Variants in PAK5 observed in about 807,000 individuals in gnomAD.
The protein encoded by PAK5 is p21 (RAC1) activated kinase 5.
In PAK5, 16 loss-of-function variants were observed where a neutral mutation model predicts 65.9. The ratio of observed to expected loss-of-function variants is 0.24; its 90% CI spans 0.16 to 0.37. The LOEUF is 0.37. Among genes scored for constraint, PAK5 ranks in the 10% least tolerant of loss-of-function variants. The pLI, the probability that PAK5 is intolerant of heterozygous loss-of-function variation, is 1.00. For synonymous variants in PAK5, 371 were observed against 354.9 expected (o/e 1.05, Z -0.51); for missense variants, 785 against 903.9 (o/e 0.87, Z 1.69).
At position 9,763,546 on chromosome 20, in the gene PAK5, AAC is replaced by A. The variant is rs200921339; in HGVS notation, c.-161-52113_-161-52112del. ...TTAAATGAAAAACAAAACAAAAAAA[AAC>A]AATCTTGAAGCCCAACTCTCATCTG... On this transcript the variant is annotated intron_variant, in intron 1 of 9. Transcript: ENST00000353224. 3.7e-3 allele frequency among the ~76,000 whole-genome samples: 557 copies of A among 152,252 alleles called. 3 individuals carry two copies. The highest frequency in any genetic ancestry group is 0.013 in the African/African-American group (522 of 41,528).
At chr20:9,765,586 C>T (rs1229006878) in intron 1 of PAK5, among the ~76,000 whole-genome samples, 1 of 152,126 alleles carries the variant, frequency 6.6e-6, no homozygotes, top group Non-Finnish European at 1.5e-5. Flanking sequence ...TAGCTTAAAA[C>T]TGGCCATGAT....
At position 9,838,291 on chromosome 20, in the gene PAK5, A is replaced by C. The variant is rs1979319225; in HGVS notation, c.-162+471T>G. Among the ~76,000 whole-genome samples the C allele has an allele frequency of 6.6e-6, 1 of 152,168 alleles. No homozygotes were observed. On this transcript the variant is annotated intron_variant, in intron 1 of 9. Transcript: ENST00000353224. The surrounding 1 kb of genome is among the most constrained non-coding windows in gnomAD (Gnocchi z 4.5). ...CATCCTCCAGTCCACACCTGCCAAA[A>C]GACAAAAACCATGCGGGAATCCTGC...
rs142279832 is a variant in PAK5, at chr20:9,802,910, G to GTGTATATATATATATATATATATA, written c.-162+35851_-162+35852insTATATATATATATATATATATACA. Among the ~76,000 whole-genome samples, 139 of 46,362 alleles carry GTGTATATATATATATATATATATA rather than the reference G, an allele frequency of 3.0e-3. 3 individuals are homozygous for GTGTATATATATATATATATATATA. The highest frequency in any genetic ancestry group is 5.6e-3 in the South Asian group (4 of 712). 30.4% of individuals were successfully genotyped at this position (46,362 alleles called of 152,430 possible). ...CTTCTGTACTATTGTATATGTATGT[G>GTGTATATATATATATATATATATA]TATATATATATATATATATATATGA... On this transcript the variant is annotated intron_variant, in intron 1 of 9. Transcript: ENST00000353224.
intron 1 of PAK5, among the ~76,000 whole-genome samples, chr20:9,792,668 A>C (rs902944776): frequency 3.3e-5 from 5 of 152,172 alleles, no homozygotes; most frequent in African/African-American, 1.2e-4. Flanking sequence ...CTCAAAGAAA[A>C]ATATTTGAAT....
At chr20:9,738,523 G>A (rs2048416460) in intron 1 of PAK5, among the ~76,000 whole-genome samples, 1 of 152,100 alleles carries the variant, frequency 6.6e-6, no homozygotes, top group South Asian at 2.1e-4. Context: ...CAACATGTAT[G>A]AACCTTAGCA....
At chr20:9,598,876 A>G (rs567082580) in intron 3 of PAK5, among the ~76,000 whole-genome samples, 1 of 152,322 alleles carries the variant, frequency 6.6e-6, no homozygotes, top group East Asian at 1.9e-4. Flanking sequence ...GGTAAAATAT[A>G]CATAAAATTT....
intron 1 of PAK5, among the ~76,000 whole-genome samples, chr20:9,793,729 T>TGG (rs200126947): frequency 0.017 from 2,525 of 152,204 alleles, 69 homozygotes; most frequent in African/African-American, 0.05. Context: ...ACACTGTTGA[T>TGG]GAGTGTAAAT....
chr20:9,585,528 G>A (rs996178002), intron 3 of PAK5, among the ~76,000 whole-genome samples: 13 of 152,138 alleles, frequency 8.5e-5, no homozygotes, highest in African/African-American at 3.1e-4. Context: ...TCTATCGTGC[G>A]CTCCACTCTC....
chr20:9,750,346 C>T (rs994054409), intron 1 of PAK5, among the ~76,000 whole-genome samples: 7 of 152,032 alleles, frequency 4.6e-5, no homozygotes, highest in African/African-American at 1.7e-4. Context: ...GAAGGAGGCT[C>T]TAATTTTAAA....
At chr20:9,783,413 G>C (rs1428395422) in intron 1 of PAK5, among the ~76,000 whole-genome samples, 1 of 152,162 alleles carries the variant, frequency 6.6e-6, no homozygotes, top group African/African-American at 2.4e-5. Context: ...CCTGAAGTAT[G>C]AATTTGAACA....
chr20:9,795,361 C>T (rs2049093643), intron 1 of PAK5, among the ~76,000 whole-genome samples: 1 of 151,994 alleles, frequency 6.6e-6, no homozygotes, highest in Non-Finnish European at 1.5e-5. Flanking sequence ...AATGATTGAG[C>T]ATTTTTCCAT....
chr20:9,581,398 C>T (rs932586027), intron 3 of PAK5, among the ~76,000 whole-genome samples: 23 of 152,148 alleles, frequency 1.5e-4, no homozygotes, highest in African/African-American at 5.6e-4. Context: ...AAGGCATTAT[C>T]ACCCAACTAT....
intron 5 of PAK5, 46 bp downstream of exon 5, chr20:9,565,847 T>C (rs767830279): frequency 1.3e-6 from 2 of 1,548,348 alleles, no homozygotes; most frequent in East Asian, 4.5e-5. Flanking sequence ...AAATGGGAAA[T>C]AAATGTTACA....
intron 1 of PAK5, among the ~76,000 whole-genome samples, chr20:9,774,788 A>T (rs959187644): frequency 6.0e-5 from 9 of 148,762 alleles, no homozygotes; most frequent in Admixed American, 2.0e-4. Context: ...CTAACAAATT[A>T]AAAAAAAAAG....
intron 3 of PAK5, among the ~76,000 whole-genome samples, chr20:9,590,420 T>C (rs2046147793): frequency 6.6e-6 from 1 of 152,122 alleles, no homozygotes; most frequent in Non-Finnish European, 1.5e-5. Flanking sequence ...TTTGTAAATA[T>C]TTACATATGG....
chr20:9,633,912 T>C (rs1461261423), intron 3 of PAK5, among the ~76,000 whole-genome samples: 1 of 152,250 alleles, frequency 6.6e-6, no homozygotes, highest in African/African-American at 2.4e-5. Flanking sequence ...TTTAAAATGG[T>C]ACATTCAATT....
intron 7 of PAK5, among the ~76,000 whole-genome samples, chr20:9,552,887 A>T (rs966266253): frequency 8.6e-5 from 13 of 151,806 alleles, no homozygotes; most frequent in African/African-American, 3.1e-4. Context: ...TATCCAGCTA[A>T]TTTTTTAGTT....
At chr20:9,813,981 T>C (rs1293610764) in intron 1 of PAK5, among the ~76,000 whole-genome samples, 2 of 152,192 alleles carry the variant, frequency 1.3e-5, no homozygotes, top group Non-Finnish European at 2.9e-5. Context: ...GGATAGAGAT[T>C]AACTGGCTAT....
At chr20:9,761,812 AT>A (rs34996766) in intron 1 of PAK5, among the ~76,000 whole-genome samples, 20,990 of 151,904 alleles carry the variant, frequency 0.14, 1,504 homozygotes, top group Middle Eastern at 0.19. Context: ...ACACACAAGA[AT>A]TTTTTTTTAA....
Sources: gnomAD v4.1 joint callset for allele counts (sites outside exome capture counted in the v4.1 genomes callset) on GRCh38, gnomAD v4.1.1 for gene constraint, Gnocchi (gnomAD v3.1) non-coding constraint, MANE v1.5 for transcripts, NCBI Gene and HGNC (gene_info 2026-07-23, HGNC 2026-07-21) for gene names.